RGS6: variants seen among roughly 807,000 people sequenced by gnomAD.
RGS6 encodes the protein regulator of G protein signaling 6.
A neutral mutation model predicts 78.5 loss-of-function variants in RGS6; 30 were observed. That is an observed-to-expected ratio of 0.38 (90% CI 0.29 to 0.52). RGS6 has a LOEUF of 0.52. Ranked by LOEUF, RGS6 falls within the 20% of genes least tolerant of loss-of-function variation. RGS6 has a pLI of 0.85. For synonymous variants in RGS6, 206 were observed against 206.0 expected (o/e 1.00, Z 0.00); for missense variants, 495 against 609.7 (o/e 0.81, Z 1.98).
chr14:72,004,948 A>G (rs1310670796), intron 2 of RGS6, among the ~76,000 whole-genome samples: 3 of 152,248 alleles, frequency 2.0e-5, no homozygotes, highest in African/African-American at 7.2e-5. Context: ...TACCAATGCA[A>G]TGTAGATAAA....
chr14:72,491,285 G>GA (rs34700041), intron 12 of RGS6, among the ~76,000 whole-genome samples: 74,351 of 148,988 alleles, frequency 0.5, 18,577 homozygotes, highest in East Asian at 0.76. Flanking sequence ...CCCAGAAGAT[G>GA]AAAAAAAAAA....
chr14:72,547,031 G>A, intron 17 of RGS6: 1 of 734,546 alleles, frequency 1.4e-6, no homozygotes, highest in Non-Finnish European at 2.2e-6. Context: ...GCAGCCACAT[G>A]GGAACTGTGT....
chr14:72,187,244 G>A (rs1446267511), intron 2 of RGS6, among the ~76,000 whole-genome samples: 1 of 152,208 alleles, frequency 6.6e-6, no homozygotes, highest in Admixed American at 6.5e-5. Flanking sequence ...TGCTGAATAT[G>A]TCTTGAATAA....
intron 2 of RGS6, among the ~76,000 whole-genome samples, chr14:72,033,702 T>A (rs762754711): frequency 6.6e-6 from 1 of 152,228 alleles, no homozygotes; most frequent in Non-Finnish European, 1.5e-5. Flanking sequence ...CACACCATCG[T>A]AAAGTTGAAA....
intron 2 of RGS6, among the ~76,000 whole-genome samples, chr14:72,018,407 G>A (rs1184660539): frequency 1.3e-5 from 2 of 152,118 alleles, no homozygotes; most frequent in East Asian, 3.9e-4. Context: ...TGTAGGAATT[G>A]TCTGCAGCAT....
intron 15 of RGS6, among the ~76,000 whole-genome samples, chr14:72,530,811 T>A (rs78413709): frequency 0.016 from 2,490 of 152,392 alleles, 73 homozygotes; most frequent in African/African-American, 0.057. Context: ...CATGCTCCTC[T>A]GAGCTGAGTG....
chr14:72,459,451 A>G (rs754184580), intron 5 of RGS6, among the ~76,000 whole-genome samples, 181 bp from the exon 6 acceptor site: 5 of 152,226 alleles, frequency 3.3e-5, no homozygotes, highest in African/African-American at 4.8e-5. Context: ...TTGCTTCTCA[A>G]TGCCTAGGTT....
At chr14:72,201,688 TA>T (rs1185785668) in intron 2 of RGS6, among the ~76,000 whole-genome samples, 3 of 152,156 alleles carry the variant, frequency 2.0e-5, no homozygotes, top group African/African-American at 7.2e-5. Context: ...TGAGGTGGGA[TA>T]AAAGGGTCCA....
At chr14:72,311,181 A>C (rs985655164) in intron 2 of RGS6, among the ~76,000 whole-genome samples, 4 of 152,228 alleles carry the variant, frequency 2.6e-5, no homozygotes, top group African/African-American at 7.2e-5. Flanking sequence ...ACAAAAGGAA[A>C]GGCCCTTTGC....
At chr14:72,338,284 G>C (rs1000645731) in intron 2 of RGS6, among the ~76,000 whole-genome samples, 5 of 152,226 alleles carry the variant, frequency 3.3e-5, no homozygotes, top group Non-Finnish European at 5.9e-5. Flanking sequence ...CACGTGGTTG[G>C]GGAGGCCTCA....
intron 3 of RGS6, among the ~76,000 whole-genome samples, chr14:72,360,053 A>T (rs144092181): frequency 0.011 from 1,733 of 152,272 alleles, 10 homozygotes; most frequent in Middle Eastern, 0.031. Context: ...TAATTTAATA[A>T]AAAGATAATA....
chr14:72,405,072 GA>G (rs997582137), intron 3 of RGS6, among the ~76,000 whole-genome samples: 34 of 151,370 alleles, frequency 2.2e-4, no homozygotes, highest in Middle Eastern at 3.4e-3. Context: ...CAGTGTAAGG[GA>G]AAAAAAAATC....
intron 2 of RGS6, among the ~76,000 whole-genome samples, chr14:71,981,923 C>G (rs1053132466): frequency 7.9e-5 from 12 of 151,052 alleles, no homozygotes; most frequent in African/African-American, 2.9e-4. Flanking sequence ...GACTGCTGTG[C>G]TAGCCATCAG....
At chr14:72,038,982 T>C (rs565271229) in intron 2 of RGS6, among the ~76,000 whole-genome samples, 1 of 152,346 alleles carries the variant, frequency 6.6e-6, no homozygotes, top group East Asian at 1.9e-4. Flanking sequence ...TGCCTTGTTT[T>C]CATTCACAGG....
intron 2 of RGS6, among the ~76,000 whole-genome samples, chr14:72,198,430 T>C (rs1457163487): frequency 6.6e-6 from 1 of 152,254 alleles, no homozygotes; most frequent in African/African-American, 2.4e-5. Flanking sequence ...ATTAATTTAC[T>C]AAATAAGGAC....
At chr14:72,182,987 C>G (rs1051018602) in intron 2 of RGS6, among the ~76,000 whole-genome samples, 1 of 152,190 alleles carries the variant, frequency 6.6e-6, no homozygotes, top group African/African-American at 2.4e-5. Context: ...CCCGGGCTAG[C>G]ACCTCCTTCA....
intron 2 of RGS6, among the ~76,000 whole-genome samples, chr14:72,196,245 G>A (rs1436625131): frequency 6.6e-6 from 1 of 152,190 alleles, no homozygotes; most frequent in Admixed American, 6.5e-5. Flanking sequence ...GTGTGACTGG[G>A]GGATGGAGCC....
chr14:72,036,611 C>A (rs1427438763), intron 2 of RGS6, among the ~76,000 whole-genome samples: 1 of 152,050 alleles, frequency 6.6e-6, no homozygotes, highest in African/African-American at 2.4e-5. Flanking sequence ...ATTTGCCGAC[C>A]CTACGTCCCC....
At chr14:72,218,943 A>G (rs1444527903) in intron 2 of RGS6, among the ~76,000 whole-genome samples, 1 of 151,936 alleles carries the variant, frequency 6.6e-6, no homozygotes, top group Non-Finnish European at 1.5e-5. Context: ...ATAACCTAGC[A>G]TTGAACTCAT....
Sources: gnomAD v4.1 joint callset for allele counts (sites outside exome capture counted in the v4.1 genomes callset) on GRCh38, gnomAD v4.1.1 for gene constraint, MANE v1.5 for transcripts, NCBI Gene and HGNC (gene_info 2026-07-23, HGNC 2026-07-21) for gene names.